Variants in NUP205 observed in about 807,000 individuals in gnomAD.
NUP205 encodes the protein nucleoporin 205, also known as nuclear pore complex protein Nup205.
Under a neutral mutation model 253.8 loss-of-function variants are expected in NUP205, and 76 were observed. That is an observed-to-expected ratio of 0.30 (90% CI 0.25 to 0.36). NUP205 has a LOEUF of 0.36. Ranked by LOEUF, NUP205 falls within the 10% of genes least tolerant of loss-of-function variation. NUP205 has a pLI of 1.00. For synonymous variants in NUP205, 832 were observed against 850.1 expected (o/e 0.98, Z 0.37); for missense variants, 2,162 against 2,425.5 (o/e 0.89, Z 2.28).
chr7:135,613,711 A>C (rs1159167924), intron 22 of NUP205: 1 of 151,488 alleles, frequency 6.6e-6, no homozygotes, highest in African/African-American at 2.4e-5. Flanking sequence ...TAATTTTTGT[A>C]TTTTTATAGA....
At chr7:135,625,100 C>A (rs1794556489) in intron 31 of NUP205, 64 bp from the exon 32 acceptor site, 17 of 1,201,658 alleles carry the variant, frequency 1.4e-5, no homozygotes, top group Non-Finnish European at 2.0e-5. Flanking sequence ...CAGATAAATT[C>A]AGTTACTGTT....
intron 11 of NUP205, 113 bp downstream of exon 11, chr7:135,591,713 T>C (rs1274306517): frequency 2.3e-6 from 2 of 886,346 alleles, no homozygotes; most frequent in African/African-American, 3.4e-5. Flanking sequence ...GAGGTATAAA[T>C]TATTTTCATA....
chr7:135,560,986 T>A (rs11532803), intron 1 of NUP205, among the ~76,000 whole-genome samples: 33,812 of 152,120 alleles, frequency 0.22, 4,354 homozygotes, highest in East Asian at 0.5. Flanking sequence ...TCCTTTAAAT[T>A]ACAGTTTTAA....
intron 23 of NUP205, 141 bp from the exon 24 acceptor site, chr7:135,615,775 G>A (rs1239698536): frequency 1.5e-5 from 7 of 460,130 alleles, no homozygotes; most frequent in Non-Finnish European, 2.5e-5. Flanking sequence ...ATTTTACAGA[G>A]TGAGAAATTA....
At chr7:135,597,854 C>T in intron 14 of NUP205, 144 bp from the exon 15 acceptor site, 1 of 677,364 alleles carries the variant, frequency 1.5e-6, no homozygotes, top group Non-Finnish European at 2.5e-6. Context: ...ACTTTTTTAT[C>T]TTTTCCTCTA....
intron 35 of NUP205, among the ~76,000 whole-genome samples, chr7:135,631,087 G>C (rs1456129987): frequency 6.6e-6 from 1 of 150,786 alleles, no homozygotes; most frequent in Admixed American, 7.0e-5. Context: ...GAGAAAGGGA[G>C]GGGGAGAGAG....
At chr7:135,570,052 T>TAGAGAGAGAG (rs373590569) in intron 1 of NUP205, among the ~76,000 whole-genome samples, 10 of 79,182 alleles carry the variant, frequency 1.3e-4, no homozygotes, top group African/African-American at 3.7e-4. Flanking sequence ...TATATATATA[T>TAGAGAGAGAG]AGAGAGAGAG....
chr7:135,580,149 T>A (rs1386900753), intron 7 of NUP205, among the ~76,000 whole-genome samples: 1 of 152,234 alleles, frequency 6.6e-6, no homozygotes, highest in African/African-American at 2.4e-5. Context: ...GTCAGTTTTC[T>A]AATCCTAAAG....
At chr7:135,573,878 C>A in intron 3 of NUP205, 53 bp downstream of exon 3, 1 of 1,367,938 alleles carries the variant, frequency 7.3e-7, no homozygotes, top group Non-Finnish European at 1.0e-6. Context: ...ATTATAAAAT[C>A]ACTCATAGTT....
At chr7:135,645,118 G>T in intron 40 of NUP205, 100 bp downstream of exon 40, 1 of 1,394,436 alleles carries the variant, frequency 7.2e-7, no homozygotes, top group Non-Finnish European at 9.8e-7. Flanking sequence ...GGTGGAAGGA[G>T]ATAAACTTAA....
chr7:135,626,416 G>GA lies in NUP205; in HGVS notation c.4793+57dup, dbSNP rs113302711. On this transcript the variant is annotated intron_variant, in intron 33 of 42. Transcript: ENST00000285968. ...AACTCCCAGTAAAGGATTATTAAGG[G>GA]AAGAAAAAATTCCAAACATAATTTT... 226,352 of 1,515,418 alleles carry GA rather than the reference G, an allele frequency of 0.15. 16,654 individuals are homozygous for GA. Among genetic ancestry groups the GA allele is most frequent in the East Asian group, 0.2 (8,590 of 42,772 alleles). 93.9% of individuals were successfully genotyped at this position (1,515,418 alleles called of 1,614,324 possible).
chr7:135,639,711 G>A (rs1032212646), intron 38 of NUP205, among the ~76,000 whole-genome samples: 8 of 150,772 alleles, frequency 5.3e-5, no homozygotes, highest in Non-Finnish European at 7.4e-5. Context: ...AAAAAAATTA[G>A]TTTAACCCAA....
At chr7:135,645,897 T>A in intron 41 of NUP205, 1 of 576,080 alleles carries the variant, frequency 1.7e-6, no homozygotes, top group African/African-American at 1.9e-5. Flanking sequence ...TGATTCTTAT[T>A]GCTGGAGTGG....
chr7:135,566,761 G>A (rs139006597), intron 1 of NUP205, among the ~76,000 whole-genome samples: 3,808 of 151,374 alleles, frequency 0.025, 77 homozygotes, highest in South Asian at 0.078. Context: ...TTTTTGAGAC[G>A]GAGTCTTGCT....
At chr7:135,629,309 A>G (rs571001896) in intron 34 of NUP205, among the ~76,000 whole-genome samples, 45 of 152,156 alleles carry the variant, frequency 3.0e-4, no homozygotes, top group Admixed American at 9.2e-4. Context: ...TAGAGCTGGG[A>G]GGTCAGGATT....
intron 5 of NUP205, 55 bp from the exon 6 acceptor site, chr7:135,577,741 A>G: frequency 1.5e-6 from 2 of 1,341,276 alleles, no homozygotes; most frequent in Non-Finnish European, 2.1e-6. Flanking sequence ...ACTTTGGAAT[A>G]AGACCAGGCT....
At chr7:135,569,722 A>C (rs575686710) in intron 1 of NUP205, among the ~76,000 whole-genome samples, 2 of 152,208 alleles carry the variant, frequency 1.3e-5, no homozygotes, top group African/African-American at 4.8e-5. Flanking sequence ...ATTATTACTT[A>C]CTGTTATCAT....
At chr7:135,596,088 C>G (rs963553020) in intron 13 of NUP205, among the ~76,000 whole-genome samples, 1 of 152,126 alleles carries the variant, frequency 6.6e-6, no homozygotes, top group African/African-American at 2.4e-5. Context: ...GCATGTGCCA[C>G]CACGCCCAGC....
intron 1 of NUP205, among the ~76,000 whole-genome samples, chr7:135,570,029 T>TTTTA (rs1332254650): frequency 8.7e-4 from 86 of 98,556 alleles, no homozygotes; most frequent in African/African-American, 3.6e-3. Flanking sequence ...TGTTTATGTT[T>TTTTA]TATATATATA....
Sources: gnomAD v4.1 joint callset for allele counts (sites outside exome capture counted in the v4.1 genomes callset) on GRCh38, gnomAD v4.1.1 for gene constraint, MANE v1.5 for transcripts, NCBI Gene and HGNC (gene_info 2026-07-23, HGNC 2026-07-21) for gene names.